FAM151B: variants seen among roughly 807,000 people sequenced by gnomAD.
The protein encoded by FAM151B is family with sequence similarity 151 member B, also known as protein FAM151B.
FAM151B carries 24 observed loss-of-function variants against 31.2 expected under a neutral mutation model. The observed-to-expected ratio is 0.77, with a 90% CI of 0.56 to 1.08. The LOEUF (loss-of-function observed/expected upper bound fraction) is 1.08. FAM151B is among the 50% of genes least tolerant of loss of function. The pLI, the probability that FAM151B is intolerant of heterozygous loss-of-function variation, is 0.00. For missense variants in FAM151B, 293 were observed against 328.6 expected, an observed-to-expected ratio of 0.89 and a Z score of 0.84; for synonymous variants, 105 against 111.4, an observed-to-expected ratio of 0.94 and a Z score of 0.36.
At position 80,501,855 on chromosome 5, in the gene FAM151B, G is replaced by T. The variant is rs1743761704; in HGVS notation, c.89G>T (p.Gly30Val). 3 of 1,604,228 alleles carry T rather than the reference G, an allele frequency of 1.9e-6. No homozygotes were observed. The highest frequency in any genetic ancestry group is 2.2e-5 in the East Asian group (1 of 44,538). The change falls in exon 2 of 6, where the codon GGT becomes GTT. Residue 30 changes from glycine (G) to valine (V), a missense_variant. Coordinates refer to ENST00000282226, the MANE Select transcript of FAM151B (RefSeq NM_205548.3). ...LRNSQITAED[G>V]AEITWYHAAN... ...AATAGCCAGATTACAGCAGAAGACG[G>T]TGCTGAGATCACCTGGTATCATGCA...
At chr5:80,524,344 A>T (rs965785465) in intron 5 of FAM151B, among the ~76,000 whole-genome samples, 6 of 152,102 alleles carry the variant, frequency 3.9e-5, no homozygotes, top group Non-Finnish European at 7.4e-5. Context: ...GTGTGATAAG[A>T]GCACCTAAAA....
intron 4 of FAM151B, among the ~76,000 whole-genome samples, chr5:80,521,576 C>T (rs1452448210): frequency 1.3e-5 from 2 of 152,174 alleles, no homozygotes; most frequent in Admixed American, 6.5e-5. Flanking sequence ...AAACAGCTAG[C>T]ATATACCCCA....
Position 80,513,732 on chromosome 5 carries a change from A to C in FAM151B, c.280A>C (p.Met94Leu). The change falls in exon 3 of 6, where the codon ATG (methionine) becomes CTG (leucine). Residue 94 changes from methionine to leucine, a missense_variant. Coordinates refer to ENST00000282226, the MANE Select transcript of FAM151B (RefSeq NM_205548.3). ...NTLQEWLTEV[M>L]KSNKGIKLDF... ...TCTACAGGAGTGGCTGACTGAAGTTATGAAAAGCAATAAAGGCATCAAGCT... is the reference window on the plus strand; with the variant it reads ...TCTACAGGAGTGGCTGACTGAAGTTCTGAAAAGCAATAAAGGCATCAAGCT... The C allele has an allele frequency of 6.2e-7, 1 of 1,612,938 alleles. No individual in the cohort carries two copies. The highest frequency in any genetic ancestry group is 8.5e-7 in the Non-Finnish European group (1 of 1,179,720).
Position 80,519,822 on chromosome 5 carries a change from A to G in FAM151B, c.447A>G (p.Pro149=), listed in dbSNP as rs375506139. The G allele has an allele frequency of 6.8e-6, 11 of 1,614,022 alleles. No individual in the cohort carries two copies. Among genetic ancestry groups the G allele is most frequent in the Admixed American group, 3.3e-5 (2 of 59,992 alleles). ...NGNSKVIDAK[P]FLDTVISFFP... is the part of the protein sequence containing the mutation. ...ATAGCAAAGTAATAGATGCAAAACC[A>G]TTTTTAGACACCGTGATATCCTTCT... is the stretch of plus-strand genomic sequence containing the variant. The change falls in exon 4 of 6, where the codon CCA becomes CCG. Residue 149 remains proline, a synonymous_variant. Transcript: ENST00000282226.
intron 5 of FAM151B, among the ~76,000 whole-genome samples, chr5:80,539,226 A>G (rs2443548): frequency 0.057 from 8,631 of 151,712 alleles, 293 homozygotes; most frequent in Middle Eastern, 0.079. Context: ...CTCTTAAGAT[A>G]TTTTTGTCTA....
chr5:80,505,999 G>C, intron 2 of FAM151B: 1 of 763,814 alleles, frequency 1.3e-6, no homozygotes, highest in East Asian at 1.3e-4. Context: ...CTCATGATCC[G>C]CCTGCCTTGG....
intron 5 of FAM151B, among the ~76,000 whole-genome samples, chr5:80,538,450 CTTTCTTTCTTTCTT>C (rs1340327827): frequency 0.033 from 2,337 of 69,792 alleles, 100 homozygotes; most frequent in Non-Finnish European, 0.043. Context: ...CTTTCTTTCT[CTTTCTTTCTTTCTT>C]TCTTTCTTTC....
In FAM151B at chr5:80,505,534, G is replaced by A. The variant is rs539588382; in HGVS notation, c.151+3617G>A. ...CTCAGCCTCCCAAGTAGCTGGGACT[G>A]CAGGCACCCGCCATCACGCCTGGCT... On this transcript the variant is annotated intron_variant, in intron 2 of 5. Coordinates refer to ENST00000282226, the MANE Select transcript of FAM151B (RefSeq NM_205548.3). 1.4e-3 allele frequency among the ~76,000 whole-genome samples: 205 copies of A among 151,102 alleles called. 2 individuals carry two copies. The highest frequency in any genetic ancestry group is 4.3e-3 in the African/African-American group (178 of 41,156).
chr5:80,531,153 A>G (rs1745226581), intron 5 of FAM151B, among the ~76,000 whole-genome samples: 1 of 152,250 alleles, frequency 6.6e-6, no homozygotes, highest in Admixed American at 6.5e-5. Context: ...TCCCTATTTA[A>G]TAAATGGTGC....
chr5:80,517,602 G>A (rs995306290), intron 3 of FAM151B, among the ~76,000 whole-genome samples: 7 of 151,840 alleles, frequency 4.6e-5, no homozygotes, highest in African/African-American at 9.7e-5. Flanking sequence ...ATTATCCTTC[G>A]TCTACATTAG....
intron 5 of FAM151B, among the ~76,000 whole-genome samples, chr5:80,524,671 G>A (rs1276067690): frequency 1.3e-5 from 2 of 152,228 alleles, no homozygotes; most frequent in East Asian, 3.9e-4. Flanking sequence ...ACTTAGCACT[G>A]AAATATTTAT....
chr5:80,498,793 G>T, intron 1 of FAM151B: 5 of 511,984 alleles, frequency 9.8e-6, no homozygotes, highest in South Asian at 8.1e-5. Flanking sequence ...CCAAGATGAA[G>T]AGTAGACTCC....
chr5:80,500,224 A>G, intron 1 of FAM151B: 1 of 539,616 alleles, frequency 1.9e-6, no homozygotes, highest in Non-Finnish European at 3.3e-6. Context: ...ATAGATGACA[A>G]AACAATGGCT....
chr5:80,529,033 C>A (rs555463087), intron 5 of FAM151B, among the ~76,000 whole-genome samples: 7 of 152,312 alleles, frequency 4.6e-5, no homozygotes, highest in East Asian at 1.9e-4. Flanking sequence ...TTATAACAAA[C>A]TGTCTCTGAG....
intron 3 of FAM151B, among the ~76,000 whole-genome samples, chr5:80,515,202 G>C (rs932679457): frequency 2.2e-4 from 33 of 151,734 alleles, no homozygotes; most frequent in African/African-American, 7.5e-4. Flanking sequence ...ATTGCGCCAC[G>C]GCACTCCAGC....
chr5:80,521,352 C>T (rs968276615), intron 4 of FAM151B, among the ~76,000 whole-genome samples: 1 of 151,754 alleles, frequency 6.6e-6, no homozygotes, highest in African/African-American at 2.4e-5. Flanking sequence ...TTTCAAACTC[C>T]TGGGCTCAAG....
intron 2 of FAM151B, chr5:80,506,113 G>T: frequency 1.0e-6 from 1 of 985,294 alleles, no homozygotes; most frequent in Non-Finnish European, 1.2e-6. Context: ...TATGGAAACT[G>T]GTTCCATTTG....
chr5:80,542,095 A>G lies in FAM151B; in HGVS notation c.*263A>G. The G allele has an allele frequency of 5.8e-6, 2 of 347,648 alleles. No homozygotes were observed. Among genetic ancestry groups the G allele is most frequent in the Middle Eastern group, 8.1e-4 (1 of 1,236 alleles). 21.5% of individuals were successfully genotyped at this position (347,648 alleles called of 1,614,324 possible). On this transcript the variant is annotated 3_prime_UTR_variant, in exon 6 of 6. Transcript: ENST00000282226. ...AAATGATACTCTGCACCCCTTCATA[A>G]AAATAGTTTTGATAAACTAAAGATG...
At chr5:80,499,876 A>G (rs1272789181) in intron 1 of FAM151B, 3 of 140,510 alleles carry the variant, frequency 2.1e-5, no homozygotes, top group South Asian at 2.2e-4. Flanking sequence ...TTTTTACTCT[A>G]TAACTCAGCA....
Sources: allele counts gnomAD v4.1 joint callset (sites outside exome capture counted in the v4.1 genomes callset), GRCh38; gene constraint gnomAD v4.1.1; transcripts MANE v1.5; gene names NCBI Gene and HGNC (gene_info 2026-07-23, HGNC 2026-07-21).